Variants in EPPK1 observed in about 807,000 individuals in gnomAD.
EPPK1 encodes epiplakin 1, also known as epiplakin.
For synonymous variants in EPPK1, 1,862 were observed against 1,721.2 expected (o/e 1.08, Z -2.03); for missense variants, 3,823 against 3,673.3 (o/e 1.04, Z -1.05).
Position 143,867,244 on chromosome 8 carries a change from G to C in EPPK1, c.6010C>G (p.Leu2004Val), listed in dbSNP as rs782768826. Residue 2004 changes from leucine (L) to valine (V), a missense_variant, in exon 2 of 2, where the codon CTG becomes GTG. Coordinates refer to ENST00000615648, the MANE Select transcript of EPPK1 (RefSeq NM_031308.4). ...GCCACCTGCACCTCCAGCAGCCTCA[G>C]TGCCTCCGCCTTCTCGATGAGCTGC... ...QKQLIEKAEA[L>V]RLLEVQVATG... is the part of the protein sequence containing the mutation. 1.9e-6 allele frequency: 3 copies of C among 1,612,606 alleles called. No individual in the cohort carries two copies. In the East Asian group the frequency reaches 6.7e-5, roughly 36 times the overall value.
At chr8:143,876,108 A>G (rs73375129) in intron 1 of EPPK1, among the ~76,000 whole-genome samples, 20,969 of 152,202 alleles carry the variant, frequency 0.14, 1,676 homozygotes, top group African/African-American at 0.21. Context: ...CAGGCCCATC[A>G]TGTCCCAGGA....
intron 1 of EPPK1, among the ~76,000 whole-genome samples, chr8:143,877,515 G>A (rs1554662442): frequency 1.3e-5 from 2 of 152,170 alleles, no homozygotes; most frequent in Non-Finnish European, 2.9e-5. Context: ...GGCCCCAAGT[G>A]GTGGAGGGCC....
At chr8:143,875,221 C>T (rs1399820449) in intron 1 of EPPK1, among the ~76,000 whole-genome samples, 1 of 152,218 alleles carries the variant, frequency 6.6e-6, no homozygotes, top group Non-Finnish European at 1.5e-5. Context: ...CCCCTCTCCC[C>T]ATGTCTGGTC....
At position 143,867,215 on chromosome 8, in the gene EPPK1, C is replaced by G. The variant is rs575399844; in HGVS notation, c.6039G>C (p.Thr2013=). The change falls in exon 2 of 2, where the codon ACG becomes ACC. Residue 2013 remains threonine, a synonymous_variant. Coordinates refer to ENST00000615648, the MANE Select transcript of EPPK1 (RefSeq NM_031308.4). The stretch of plus-strand genomic sequence containing the variant: ...GGTGCTGTGGGTCGATGACACCCCC[C>G]GTGGCCACCTGCACCTCCAGCAGCC... ...ALRLLEVQVA[T]GGVIDPQHHH... is the part of the protein sequence containing the mutation. 1 of 1,612,726 alleles carries G rather than the reference C, an allele frequency of 6.2e-7. No homozygotes were observed. The highest frequency in any genetic ancestry group is 8.5e-7 in the Non-Finnish European group (1 of 1,179,796).
At chr8:143,874,399 G>A (rs945563826) in intron 1 of EPPK1, among the ~76,000 whole-genome samples, 1 of 152,250 alleles carries the variant, frequency 6.6e-6, no homozygotes, top group African/African-American at 2.4e-5. Context: ...CCCAGTTAAG[G>A]TGAGGTCATA....
In EPPK1 at chr8:143,868,264, A is replaced by G; in HGVS notation, c.4990T>C (p.Phe1664Leu). ...ATGAGGTCCTTCTGCATGGCCTGGA[A>G]GAGGGAGATCTGCTGCCCGGTATAG... The part of the protein sequence containing the change: ...DPYTGQQISL[F>L]QAMQKDLIVR... The change falls in exon 2 of 2, where the codon TTC becomes CTC. Residue 1664 changes from phenylalanine (F) to leucine (L), a missense_variant. Phe to Leu is a conservative substitution (Grantham distance 22). Transcript: ENST00000615648. The G allele has an allele frequency of 1.2e-6, 2 of 1,613,208 alleles. No individual in the cohort carries two copies. Among genetic ancestry groups the G allele is most frequent in the Non-Finnish European group, 1.7e-6 (2 of 1,180,014 alleles).
Position 143,868,522 on chromosome 8 carries a change from T to C in EPPK1, c.4732A>G (p.Ile1578Val). The C allele has an allele frequency of 6.2e-7, 1 of 1,608,050 alleles. No individual in the cohort carries two copies. Among genetic ancestry groups the C allele is most frequent in the South Asian group, 1.1e-5 (1 of 90,460 alleles). The part of the protein sequence containing the change: ...EGGNFIAGVL[I>V]QGTQERMSIP... Reference sequence around the variant, plus strand: ...CTCATCCTCTCCTGGGTGCCCTGGATAAGGACCCCGGCAATGAAGTTGCCT... The same window carrying C: ...CTCATCCTCTCCTGGGTGCCCTGGACAAGGACCCCGGCAATGAAGTTGCCT... Residue 1578 changes from isoleucine to valine, a missense_variant, in exon 2 of 2, where the codon ATC becomes GTC. Physicochemically the swap from Ile to Val is conservative, Grantham distance 29 (BLOSUM62 3). Transcript: ENST00000615648.
At chr8:143,876,294 C>A (rs1291709007) in intron 1 of EPPK1, among the ~76,000 whole-genome samples, 2 of 152,322 alleles carry the variant, frequency 1.3e-5, no homozygotes, top group East Asian at 1.9e-4. Flanking sequence ...CCTGGTCACA[C>A]CTGACAAGCC....
rs782641443 is a variant in EPPK1 at position 143,869,343 on chromosome 8, A to AC, written c.3910dup (p.Val1304GlyfsTer2). The AC allele has an allele frequency of 6.2e-7, 1 of 1,610,040 alleles. No homozygotes were observed. The highest frequency in any genetic ancestry group is 8.5e-7 in the Non-Finnish European group (1 of 1,178,576). The stretch of plus-strand genomic sequence containing the variant: ...CTCCCTGCCCACCAGGCCGACCTTA[A>AC]CCGCGTCCTCCACTGACAGTCTCTG... On this transcript the variant is annotated frameshift_variant, in exon 2 of 2. Transcript: ENST00000615648. LOFTEE classifies it low-confidence loss of function (END_TRUNC).
Position 143,871,816 on chromosome 8 carries a change from G to T in EPPK1, c.1438C>A (p.Pro480Thr), listed in dbSNP as rs782784165. 1 of 1,612,312 alleles carries T rather than the reference G, an allele frequency of 6.2e-7. No individual in the cohort carries two copies. The highest frequency in any genetic ancestry group is 1.1e-5 in the South Asian group (1 of 91,056). The stretch of plus-strand genomic sequence containing the variant: ...CGAGTGCTGTACTTGATGAATGGGG[G>T]TCCCTGGGGCTCCCCTCCCCGGGGT... ...GGPRGGEPQGPPFIKYSTRQA... is the reference protein window; with the variant it reads ...GGPRGGEPQGTPFIKYSTRQA... The change falls in exon 2 of 2, where the codon CCC (proline) becomes ACC (threonine). Residue 480 changes from proline (P) to threonine (T), a missense_variant. Physicochemically the swap from Pro to Thr is conservative, Grantham distance 38. Coordinates refer to ENST00000615648, the MANE Select transcript of EPPK1 (RefSeq NM_031308.4).
rs782225879 is a variant in EPPK1, at chr8:143,872,428, C to A, written c.826G>T (p.Glu276Ter). ...LAAVDVSARAEVRRYLEGTGS... is the reference protein window; with the variant it reads ...LAAVDVSARA ...GTACCCTCCAGGTAGCGCCGCACCT[C>A]GGCACGTGCACTCACGTCCACTGCG... The change falls in exon 2 of 2, where the codon GAG becomes TAG. Residue 276 changes from glutamate to a stop codon, truncating the protein, a stop_gained. Transcript: ENST00000615648. LOFTEE classifies it low-confidence loss of function (END_TRUNC). 6.2e-7 allele frequency: 1 copy of A among 1,600,888 alleles called. No individual in the cohort carries two copies. Among genetic ancestry groups the A allele is most frequent in the Non-Finnish European group, 8.5e-7 (1 of 1,179,180 alleles).
chr8:143,876,881 A>T (rs1048837239), intron 1 of EPPK1, among the ~76,000 whole-genome samples: 2 of 151,234 alleles, frequency 1.3e-5, no homozygotes, highest in Non-Finnish European at 3.0e-5. Flanking sequence ...GGGCAGGGCC[A>T]GCGAGGGCGG....
chr8:143,867,635 A>C lies in EPPK1; in HGVS notation c.5619T>G (p.Leu1873=), dbSNP rs1422676951. 6.2e-7 allele frequency: 1 copy of C among 1,613,166 alleles called. No individual in the cohort carries two copies. Among genetic ancestry groups the C allele is most frequent in the Non-Finnish European group, 8.5e-7 (1 of 1,179,806 alleles). ...RVIDQKTLHT[L]RVGRTGGQAL... is the part of the protein sequence containing the mutation. Reference sequence around the variant, plus strand: ...CCTGTCCCCCAGTCCTCCCCACACGAAGTGTGTGCAGGGTCTTCTGATCGA... The same window carrying C: ...CCTGTCCCCCAGTCCTCCCCACACGCAGTGTGTGCAGGGTCTTCTGATCGA... The change falls in exon 2 of 2, where the codon CTT becomes CTG. Residue 1873 remains leucine (L), a synonymous_variant. Coordinates refer to ENST00000615648, the MANE Select transcript of EPPK1 (RefSeq NM_031308.4).
At chr8:143,878,518 T>C (rs7824263), upstream of EPPK1, 59,029 of 148,226 alleles carry the variant, frequency 0.4, 12,207 homozygotes, top group Middle Eastern at 0.49. Context: ...CCCGCCCCCG[T>C]CTAGGGCGGC....
rs1415373590 is a variant in EPPK1 at position 143,869,050 on chromosome 8, A to T, written c.4204T>A (p.Phe1402Ile). 15 of 1,609,050 alleles carry T rather than the reference A, an allele frequency of 9.3e-6. No individual in the cohort carries two copies. Among genetic ancestry groups the T allele is most frequent in the Non-Finnish European group, 1.3e-5 (15 of 1,179,746 alleles). The change falls in exon 2 of 2, where the codon TTC becomes ATC. Residue 1402 changes from phenylalanine to isoleucine, a missense_variant. By Grantham distance (21) the Phe-to-Ile change is conservative. Coordinates refer to ENST00000615648, the MANE Select transcript of EPPK1 (RefSeq NM_031308.4). ...TCCCGCGCACTGGGGTCAAAGAAGA[A>T]CTTGTTGTCCTTGTCAACTGCAGTC... is the stretch of plus-strand genomic sequence containing the variant. ...VLTAVDKDNK[F>I]FFDPSARDQV... is the part of the protein sequence containing the mutation.
Position 143,872,062 on chromosome 8 carries a change from G to A in EPPK1, c.1192C>T (p.Gln398Ter). The change falls in exon 2 of 2, where the codon CAG (glutamine) becomes TAG (stop). Residue 398 changes from glutamine (Q) to a stop codon, truncating the protein, a stop_gained. Coordinates refer to ENST00000615648, the MANE Select transcript of EPPK1 (RefSeq NM_031308.4). LOFTEE classifies it low-confidence loss of function (END_TRUNC). The stretch of plus-strand genomic sequence containing the variant: ...CAGACCAGCCCGCCTGTGGCCAGCT[G>A]GGCATCCAAGAGCCGCAGTGCCAGT... ...RPLALRLLDA[Q>*]LATGGLVCPA... The A allele has an allele frequency of 6.4e-7, 1 of 1,561,320 alleles. No individual in the cohort carries two copies. The highest frequency in any genetic ancestry group is 8.7e-7 in the Non-Finnish European group (1 of 1,153,336).
chr8:143,864,455 G>T lies in EPPK1; in HGVS notation c.8799C>A (p.Tyr2933Ter). Residue 2933 changes from tyrosine (Y) to a stop codon, truncating the protein, a stop_gained, in exon 2 of 2, where the codon TAC (tyrosine) becomes TAA (stop). Transcript: ENST00000615648. LOFTEE classifies it low-confidence loss of function (END_TRUNC). ...FDPNTHENLT[Y>*]VQLLRRCVPD... ...GCACGCAGCGGCGCAGCAGCTGCAC[G>T]TACGTGAGGTTCTCGTGCGTGTTGG... 2 of 571,130 alleles carry T rather than the reference G, an allele frequency of 3.5e-6. 1 individual carries two copies. Among genetic ancestry groups the T allele is most frequent in the Non-Finnish European group, 5.4e-6 (2 of 373,124 alleles). The allele number at this position is 571,130 out of a possible 1,614,324, so 35.4% of individuals were successfully genotyped here. A position where few individuals can be genotyped will look rare whatever the true frequency, so the allele number is the denominator to read the frequency against.
chr8:143,869,203 C>A lies in EPPK1; in HGVS notation c.4051G>T (p.Glu1351Ter). The A allele has an allele frequency of 6.2e-7, 1 of 1,610,002 alleles. No homozygotes were observed. ...AMEKGLVPQN[E>*]GLPLLQVQLA... ...TGCACCTGCAGGAGGGGCAAGCCCT[C>A]GTTCTGTGGCACGAGCCCCTTCTCC... is the stretch of plus-strand genomic sequence containing the variant. The change falls in exon 2 of 2, where the codon GAG (glutamate) becomes TAG (stop). Residue 1351 changes from glutamate to a stop codon, truncating the protein, a stop_gained. Coordinates refer to ENST00000615648, the MANE Select transcript of EPPK1 (RefSeq NM_031308.4). LOFTEE classifies it low-confidence loss of function (END_TRUNC).
At position 143,857,896 on chromosome 8, in the gene EPPK1, CAAAAAAA is replaced by C. The variant is rs35186960; in HGVS notation, c.*84_*90del. On this transcript the variant is annotated 3_prime_UTR_variant, in exon 2 of 2. Transcript: ENST00000615648. ...GTAAAACAACAAAATTAAAGAATGACAAAAAAAAAAAAAAAAAAAAAAACAACCCAGA... is the reference window on the plus strand; with the variant it reads ...GTAAAACAACAAAATTAAAGAATGACAAAAAAAAAAAAAAAACAACCCAGA... 3.4e-4 allele frequency: 151 copies of C among 437,892 alleles called. No homozygotes were observed. The highest frequency in any genetic ancestry group is 2.0e-3 in the African/African-American group (59 of 29,416). The allele number at this position is 437,892 out of a possible 1,614,324, so 27.1% of individuals were successfully genotyped here. A position where few individuals can be genotyped will look rare whatever the true frequency, so the allele number is the denominator to read the frequency against.
Sources: allele counts gnomAD v4.1 joint callset (sites outside exome capture counted in the v4.1 genomes callset), GRCh38; gene constraint gnomAD v4.1.1; transcripts MANE v1.5; gene names NCBI Gene and HGNC (gene_info 2026-07-23, HGNC 2026-07-21).